The following FAM163A variants were observed in gnomAD, a reference collection of about 807,000 sequenced individuals.
The protein encoded by FAM163A is family with sequence similarity 163 member A.
In FAM163A, 7 loss-of-function variants were observed where a neutral mutation model predicts 12.0. The observed-to-expected ratio is 0.58, with a 90% confidence interval of 0.33 to 1.10. The LOEUF (loss-of-function observed/expected upper bound fraction) is 1.10, where lower values mean the gene tolerates loss of function less well. Among genes scored for constraint, FAM163A ranks in the 50% least tolerant of loss-of-function variants. The pLI is 0.03. For missense variants in FAM163A, 202 were observed against 218.6 expected (o/e 0.92, Z 0.48); for synonymous variants, 101 against 91.0 (o/e 1.11, Z -0.62).
At chr1:179,755,133 C>A (rs2487741) in intron 1 of FAM163A, among the ~76,000 whole-genome samples, 1 of 144,234 alleles carries the variant, frequency 6.9e-6, no homozygotes. Flanking sequence ...CAAGACTCTG[C>A]CTCAAAAAAA....
At chr1:179,767,494 C>G (rs1250626056) in intron 1 of FAM163A, among the ~76,000 whole-genome samples, 1 of 152,154 alleles carries the variant, frequency 6.6e-6, no homozygotes, top group Non-Finnish European at 1.5e-5. Flanking sequence ...CACATCCCCC[C>G]GCATGGCTGC....
the FAM163A span, among the ~76,000 whole-genome samples, chr1:179,736,874 T>C: frequency 6.6e-6 from 1 of 151,958 alleles, no homozygotes; most frequent in South Asian, 2.1e-4. Context: ...TGTGGAGAAA[T>C]TGGAACCTTT....
intron 1 of FAM163A, among the ~76,000 whole-genome samples, chr1:179,759,726 G>T (rs1686542364): frequency 6.6e-6 from 1 of 152,068 alleles, no homozygotes; most frequent in Non-Finnish European, 1.5e-5. Context: ...GAGTGCGGCG[G>T]CACAATGTTG....
chr1:179,790,425 G>T (rs1571497036), intron 1 of FAM163A, among the ~76,000 whole-genome samples: 1 of 151,974 alleles, frequency 6.6e-6, no homozygotes, highest in Admixed American at 6.6e-5. Context: ...TATAAGGAGG[G>T]GAGCCAGTAT....
At chr1:179,767,978 G>A (rs1687736776) in intron 1 of FAM163A, among the ~76,000 whole-genome samples, 1 of 152,070 alleles carries the variant, frequency 6.6e-6, no homozygotes, top group South Asian at 2.1e-4. Context: ...TTAAAACTCT[G>A]TAACCATTAA....
At chr1:179,738,643 A>G (rs560216536), upstream of FAM163A, among the ~76,000 whole-genome samples, 4 of 152,322 alleles carry the variant, frequency 2.6e-5, no homozygotes, top group Non-Finnish European at 4.4e-5. Flanking sequence ...ATGTAAAAGC[A>G]TTTGACAAAA....
chr1:179,802,313 T>C (rs1189556271), intron 1 of FAM163A, among the ~76,000 whole-genome samples: 1 of 152,234 alleles, frequency 6.6e-6, no homozygotes, highest in Non-Finnish European at 1.5e-5. Context: ...CTTATGCCTC[T>C]CATGCTTGGT....
chr1:179,810,293 G>A (rs1694527929), intron 2 of FAM163A, among the ~76,000 whole-genome samples: 1 of 152,192 alleles, frequency 6.6e-6, no homozygotes, highest in African/African-American at 2.4e-5. Context: ...GGCTGGGGCA[G>A]TCAGGGGAGG....
intron 1 of FAM163A, among the ~76,000 whole-genome samples, chr1:179,756,617 T>C (rs570078250): frequency 1.1e-4 from 17 of 152,324 alleles, no homozygotes; most frequent in East Asian, 5.8e-4. Context: ...CAACTGGCAG[T>C]GCAGGTCTGA....
At chr1:179,761,205 T>A (rs949840858) in intron 1 of FAM163A, among the ~76,000 whole-genome samples, 1 of 152,250 alleles carries the variant, frequency 6.6e-6, no homozygotes, top group East Asian at 1.9e-4. Context: ...TCGCAAAATG[T>A]TAGCTATGCT....
chr1:179,758,314 G>A (rs748134152), intron 1 of FAM163A, among the ~76,000 whole-genome samples: 4 of 152,158 alleles, frequency 2.6e-5, no homozygotes, highest in African/African-American at 7.2e-5. Flanking sequence ...AGTTGAAAAG[G>A]TCATATGGGG....
At chr1:179,773,170 A>T (rs558070218) in intron 1 of FAM163A, among the ~76,000 whole-genome samples, 2 of 152,080 alleles carry the variant, frequency 1.3e-5, no homozygotes, top group South Asian at 4.2e-4. Flanking sequence ...TAACAAAATT[A>T]TAGAAATGGA....
chr1:179,731,488 C>G, the FAM163A span, among the ~76,000 whole-genome samples: 1 of 152,184 alleles, frequency 6.6e-6, no homozygotes, highest in Non-Finnish European at 1.5e-5. Flanking sequence ...AATGAAATTT[C>G]CACAGGAAAT....
intron 1 of FAM163A, among the ~76,000 whole-genome samples, chr1:179,792,283 T>TTGTGTGTGTGTGTGTGTG (rs3075152): frequency 7.5e-5 from 10 of 133,564 alleles, no homozygotes; most frequent in African/African-American, 2.3e-4. Context: ...CCATATCTGA[T>TTGTGTGTGTGTGTGTGTG]TGTGTGTGTG....
At chr1:179,788,468 T>C (rs1435450369) in intron 1 of FAM163A, among the ~76,000 whole-genome samples, 2 of 152,232 alleles carry the variant, frequency 1.3e-5, no homozygotes, top group Non-Finnish European at 2.9e-5. Flanking sequence ...TGCTGCTTTC[T>C]TTTACATGAC....
chr1:179,757,769 G>T (rs191492488), intron 1 of FAM163A, among the ~76,000 whole-genome samples: 1 of 152,172 alleles, frequency 6.6e-6, no homozygotes, highest in Non-Finnish European at 1.5e-5. Context: ...CCGAGATTGC[G>T]CCACTGCACT....
intron 1 of FAM163A, among the ~76,000 whole-genome samples, chr1:179,782,263 G>T (rs978728936): frequency 6.6e-6 from 1 of 152,064 alleles, no homozygotes; most frequent in African/African-American, 2.4e-5. Context: ...TCTGGCAGGG[G>T]CAGCAGTGGG....
intron 1 of FAM163A, among the ~76,000 whole-genome samples, chr1:179,792,755 C>CTTCA (rs1478121246): frequency 2.0e-5 from 3 of 152,104 alleles, no homozygotes; most frequent in African/African-American, 4.8e-5. Context: ...AAAGTCATTT[C>CTTCA]TTCATTCATT....
At chr1:179,775,748 T>C (rs1688868340) in intron 1 of FAM163A, among the ~76,000 whole-genome samples, 2 of 152,302 alleles carry the variant, frequency 1.3e-5, no homozygotes, top group East Asian at 3.9e-4. Flanking sequence ...AAGAATATAT[T>C]GTCTTATGAG....
Sources: gnomAD v4.1 joint callset for allele counts (sites outside exome capture counted in the v4.1 genomes callset) on GRCh38, gnomAD v4.1.1 for gene constraint, MANE v1.5 for transcripts, NCBI Gene and HGNC (gene_info 2026-07-23, HGNC 2026-07-21) for gene names.